DCAF17: variants seen among roughly 807,000 people sequenced by gnomAD.
DCAF17 encodes DDB1 and CUL4 associated factor 17, also known as DDB1- and CUL4-associated factor 17.
Under a neutral mutation model 66.0 loss-of-function variants are expected in DCAF17, and 48 were observed. That is an observed-to-expected ratio of 0.73 (90% CI 0.58 to 0.92). DCAF17 has a LOEUF of 0.92. Among genes scored for constraint, DCAF17 ranks in the 40% least tolerant of loss-of-function variants. The pLI is 0.00. For missense variants in DCAF17, 562 were observed against 622.8 expected, an observed-to-expected ratio of 0.90 and a Z score of 1.04; for synonymous variants, 206 against 214.6, an observed-to-expected ratio of 0.96 and a Z score of 0.35.
intron 11 of DCAF17, 33 bp downstream of exon 11, chr2:171,476,983 A>G (rs368608347): frequency 5.4e-6 from 8 of 1,486,764 alleles, no homozygotes; most frequent in Non-Finnish European, 7.5e-6. Context: ...TCCTTTATAT[A>G]TCATTGTCTT....
intron 5 of DCAF17, among the ~76,000 whole-genome samples, chr2:171,452,301 T>C (rs1020932878): frequency 2.0e-5 from 3 of 152,098 alleles, no homozygotes; most frequent in Non-Finnish European, 4.4e-5. Flanking sequence ...ATTGGAGAAG[T>C]ACAAGAGATT....
intron 3 of DCAF17, among the ~76,000 whole-genome samples, chr2:171,446,969 T>C (rs1310146611): frequency 2.0e-5 from 3 of 152,186 alleles, no homozygotes; most frequent in African/African-American, 4.8e-5. Flanking sequence ...CTGAAATGTA[T>C]TGTCTTTACT....
At chr2:171,469,125 T>C in intron 9 of DCAF17, 95 bp downstream of exon 9, 3 of 1,384,578 alleles carry the variant, frequency 2.2e-6, no homozygotes, top group Non-Finnish European at 3.1e-6. Context: ...AATTACTTTT[T>C]TGTGCATTTG....
In DCAF17 at chr2:171,469,004, AT is replaced by A; in HGVS notation, c.958del (p.Cys320ValfsTer3). ...NKKKQKGVFHICALKDNSLAK... is the reference protein window; with the variant it reads ...NKKKQKGVFHXCALKDNSLAK... Reference sequence around the variant, plus strand: ...GAAGAAACAGAAAGGAGTTTTCCATATTTGTGCCCTAAAAGACAATTCCCTG... The same window carrying A: ...GAAGAAACAGAAAGGAGTTTTCCATATTGTGCCCTAAAAGACAATTCCCTG... On this transcript the variant is annotated frameshift_variant, in exon 9 of 14. Coordinates refer to ENST00000375255, the MANE Select transcript of DCAF17 (RefSeq NM_025000.4). LOFTEE classifies it high-confidence loss of function. The A allele has an allele frequency of 6.2e-7, 1 of 1,614,078 alleles. No homozygotes were observed. Among genetic ancestry groups the A allele is most frequent in the African/African-American group, 1.3e-5 (1 of 75,042 alleles).
At position 171,434,756 on chromosome 2, in the gene DCAF17, G is replaced by T. The variant is rs1199508024; in HGVS notation, c.126+53G>T. 6.5e-6 allele frequency: 9 copies of T among 1,389,408 alleles called. 1 individual carries two copies. The highest frequency in any genetic ancestry group is 8.3e-6 in the Non-Finnish European group (9 of 1,084,280). 86.1% of individuals were successfully genotyped at this position (1,389,408 alleles called of 1,614,324 possible). A position where few individuals can be genotyped will look rare whatever the true frequency, so the allele number is the denominator to read the frequency against. On this transcript the variant is annotated intron_variant, in intron 1 of 13. Coordinates refer to ENST00000375255, the MANE Select transcript of DCAF17 (RefSeq NM_025000.4). ...GGAGGGCCGCGGGCGCGCGGCGGCCGAGCCTCCTGCGGGGATGCGGTTTTA... is the reference window on the plus strand; with the variant it reads ...GGAGGGCCGCGGGCGCGCGGCGGCCTAGCCTCCTGCGGGGATGCGGTTTTA...
At chr2:171,469,768 G>A (rs1371100171) in intron 9 of DCAF17, among the ~76,000 whole-genome samples, 1 of 152,082 alleles carries the variant, frequency 6.6e-6, no homozygotes, top group Non-Finnish European at 1.5e-5. Context: ...TAAGGGGGGA[G>A]TTCCATTTTT....
In DCAF17 at chr2:171,469,018, A is replaced by C. The variant is rs1455635946; in HGVS notation, c.969A>C (p.Lys323Asn). 3.7e-6 allele frequency: 6 copies of C among 1,614,138 alleles called. No homozygotes were observed. The highest frequency in any genetic ancestry group is 5.1e-6 in the Non-Finnish European group (6 of 1,179,986). The change falls in exon 9 of 14, where the codon AAA becomes AAC. Residue 323 changes from lysine to asparagine, a missense_variant. Transcript: ENST00000375255. ...GAGTTTTCCATATTTGTGCCCTAAA[A>C]GACAATTCCCTGGTAAATGAGTGAT... ...QKGVFHICALKDNSLAKNGIQ... is the reference protein window; with the variant it reads ...QKGVFHICALNDNSLAKNGIQ...
At position 171,454,001 on chromosome 2, in the gene DCAF17, G is replaced by T. The variant is rs970359274; in HGVS notation, c.627+788G>T. 2.2e-4 allele frequency among the ~76,000 whole-genome samples: 34 copies of T among 152,122 alleles called. No individual in the cohort carries two copies. The East Asian group carries it at 5.6e-3, about 25-fold the overall frequency. ...TTGCTTATTTTGTGCCATGCACTTT[G>T]AATATTTTACAACATTGTAACGTAT... On this transcript the variant is annotated intron_variant, in intron 6 of 13. Transcript: ENST00000375255.
At position 171,444,808 on chromosome 2, in the gene DCAF17, TTTA is replaced by T. The variant is rs142118361; in HGVS notation, c.321+1198_321+1200del. On this transcript the variant is annotated intron_variant, in intron 3 of 13. Transcript: ENST00000375255. ...AAAGGATAAGAGGCTGTACGCTAAA[TTTA>T]TTGTTAATTTTTTTTTCAGGCTATC... Among the ~76,000 whole-genome samples the T allele has an allele frequency of 6.3e-3, 957 of 152,308 alleles. 13 individuals are homozygous for T. The highest frequency in any genetic ancestry group is 0.022 in the African/African-American group (903 of 41,572).
chr2:171,456,014 T>A (rs1695238450), intron 6 of DCAF17, among the ~76,000 whole-genome samples: 1 of 152,242 alleles, frequency 6.6e-6, no homozygotes, highest in Non-Finnish European at 1.5e-5. Flanking sequence ...CTCTTTAGTT[T>A]AAGTAGATCC....
At chr2:171,476,985 CA>C in intron 11 of DCAF17, 35 bp downstream of exon 11, 1 of 1,461,218 alleles carries the variant, frequency 6.8e-7, no homozygotes, top group Non-Finnish European at 9.6e-7. Flanking sequence ...CTTTATATAT[CA>C]TTGTCTTTCT....
rs1210446033 is a variant in DCAF17 at position 171,481,169 on chromosome 2, G to A, written c.*55G>A. 3.1e-6 allele frequency: 5 copies of A among 1,608,222 alleles called. No individual in the cohort carries two copies. The highest frequency in any genetic ancestry group is 4.3e-6 in the Non-Finnish European group (5 of 1,175,320). On this transcript the variant is annotated 3_prime_UTR_variant, in exon 14 of 14. Coordinates refer to ENST00000375255, the MANE Select transcript of DCAF17 (RefSeq NM_025000.4). ...CTTTTAGCCAAACACCCCAGCAGCT[G>A]CGTCCAATCCATTTTATTATCTGCA...
intron 9 of DCAF17, among the ~76,000 whole-genome samples, chr2:171,471,496 C>T (rs1361835956): frequency 1.3e-5 from 2 of 152,104 alleles, no homozygotes; most frequent in Non-Finnish European, 2.9e-5. Flanking sequence ...ATAGTATGTG[C>T]ATATTTTGTA....
chr2:171,482,709 T>C lies in DCAF17; in HGVS notation c.*1595T>C, dbSNP rs1696794973. On this transcript the variant is annotated 3_prime_UTR_variant, in exon 14 of 14. Transcript: ENST00000375255. ...GATTATTGAGTTTCTCCTTCTCCTT[T>C]AAGTCATCACCTTCCTTTTATGAAA... 4.4e-6 allele frequency: 2 copies of C among 453,214 alleles called. No homozygotes were observed. Among genetic ancestry groups the C allele is most frequent in the Non-Finnish European group, 8.8e-6 (2 of 226,592 alleles). The allele number at this position is 453,214 out of a possible 1,614,324, so 28.1% of individuals were successfully genotyped here.
chr2:171,465,123 G>A (rs1040398906), intron 8 of DCAF17, among the ~76,000 whole-genome samples: 2 of 151,822 alleles, frequency 1.3e-5, no homozygotes, highest in African/African-American at 4.8e-5. Context: ...GCATGAACCC[G>A]GGAGGTGGAG....
intron 9 of DCAF17, among the ~76,000 whole-genome samples, chr2:171,472,500 G>A (rs1336494477): frequency 6.6e-6 from 1 of 152,066 alleles, no homozygotes; most frequent in East Asian, 1.9e-4. Flanking sequence ...CTGTACTTTC[G>A]ATTTTACTGT....
chr2:171,467,322 T>C (rs935435510), intron 8 of DCAF17, among the ~76,000 whole-genome samples: 19 of 152,008 alleles, frequency 1.2e-4, no homozygotes, highest in Non-Finnish European at 2.8e-4. Context: ...TACTAGTTTA[T>C]GTGTTAATTG....
chr2:171,480,702 C>T (rs754605742), intron 13 of DCAF17, among the ~76,000 whole-genome samples: 3 of 152,154 alleles, frequency 2.0e-5, no homozygotes, highest in Non-Finnish European at 2.9e-5. Flanking sequence ...AATGATCACA[C>T]AGTGAGATAG....
In DCAF17 at chr2:171,483,110, T is replaced by C. The variant is rs908533540; in HGVS notation, c.*1996T>C. The C allele has an allele frequency of 2.2e-6, 1 of 453,960 alleles. No homozygotes were observed. Among genetic ancestry groups the C allele is most frequent in the African/African-American group, 2.0e-5 (1 of 49,982 alleles). 28.1% of individuals were successfully genotyped at this position (453,960 alleles called of 1,614,324 possible). A position where few individuals can be genotyped will look rare whatever the true frequency, so the allele number is the denominator to read the frequency against. On this transcript the variant is annotated 3_prime_UTR_variant, in exon 14 of 14. Transcript: ENST00000375255. Reference sequence around the variant, plus strand: ...AAAAGATGCCAGAAGATACAGAAGATAGCAAAGAATGTGGGGAATTTGGAT... The same window carrying C: ...AAAAGATGCCAGAAGATACAGAAGACAGCAAAGAATGTGGGGAATTTGGAT...
Sources: gnomAD v4.1 joint callset for allele counts (sites outside exome capture counted in the v4.1 genomes callset) on GRCh38, gnomAD v4.1.1 for gene constraint, MANE v1.5 for transcripts, NCBI Gene and HGNC (gene_info 2026-07-23, HGNC 2026-07-21) for gene names.